Variants in RANBP2 observed in about 807,000 individuals in gnomAD.
RANBP2 encodes the protein RAN binding protein 2, also known as E3 SUMO-protein ligase RanBP2.
A neutral mutation model predicts 303.6 loss-of-function variants in RANBP2; 57 were observed. The observed-to-expected ratio is 0.19, with a 90% CI of 0.15 to 0.23. RANBP2 has a LOEUF of 0.23. Among genes scored for constraint, RANBP2 ranks in the 10% least tolerant of loss-of-function variants. RANBP2 has a pLI of 1.00. For synonymous variants in RANBP2, 1,167 were observed against 1,301.5 expected (o/e 0.90, Z 2.23); for missense variants, 3,138 against 3,780.8 (o/e 0.83, Z 4.46).
chr2:108,989,224 A>C, the RANBP2 span: 1 of 152,640 alleles, frequency 6.6e-6, no homozygotes, highest in South Asian at 2.1e-4. Context: ...CAAGTTTGGA[A>C]ACTCAGTCCT....
the RANBP2 span, among the ~76,000 whole-genome samples, chr2:109,453,029 G>A: frequency 6.6e-6 from 1 of 152,162 alleles, no homozygotes; most frequent in African/African-American, 2.4e-5. Context: ...CGGGAGGCTG[G>A]TGCTCTGCTG....
chr2:109,347,813 G>T, the RANBP2 span: 4 of 1,613,948 alleles, frequency 2.5e-6, no homozygotes, highest in Non-Finnish European at 3.4e-6. Flanking sequence ...GAGCTGCACG[G>T]CACACAGGGC....
At chr2:108,856,823 C>G in the RANBP2 span, 4 of 1,613,032 alleles carry the variant, frequency 2.5e-6, no homozygotes, top group African/African-American at 5.3e-5. Context: ...ATTTGATTCT[C>G]TTTGTTTGGA....
At chr2:109,219,185 A>G in the RANBP2 span, among the ~76,000 whole-genome samples, 4 of 152,218 alleles carry the variant, frequency 2.6e-5, no homozygotes, top group Admixed American at 2.6e-4. Flanking sequence ...CGCCTGGAGC[A>G]TGGGAGGATC....
the RANBP2 span, among the ~76,000 whole-genome samples, chr2:109,550,808 CCCTGTATTATAAGGCT>C: frequency 2.6e-5 from 4 of 152,258 alleles, no homozygotes; most frequent in South Asian, 8.3e-4. Context: ...CTTCTTCGTA[CCCTGTATTATAAGGCT>C]CCTGTTCTCC....
the RANBP2 span, among the ~76,000 whole-genome samples, chr2:109,528,732 C>T: frequency 1.3e-3 from 198 of 152,302 alleles, no homozygotes; most frequent in Non-Finnish European, 2.4e-3. Flanking sequence ...GCGTCCTACT[C>T]CCTCCCCAGA....
the RANBP2 span, among the ~76,000 whole-genome samples, chr2:109,391,188 G>A: frequency 6.6e-6 from 1 of 152,244 alleles, no homozygotes; most frequent in Non-Finnish European, 1.5e-5. Flanking sequence ...TGCAAAATTA[G>A]GCAGCCATTT....
rs532586413 is a variant in RANBP2, at chr2:108,764,771, T to G, written c.4232T>G (p.Val1411Gly). Reference protein sequence around the residue: ...PENVQDRFALVTPKKEGHWDC... With the variant: ...PENVQDRFALGTPKKEGHWDC... ...AATGTTCAAGATCGATTTGCATTGG[T>G]GACTCCAAAGAAAGAAGGTCACTGG... is the stretch of plus-strand genomic sequence containing the variant. Residue 1411 changes from valine to glycine, a missense_variant, in exon 20 of 29, where the codon GTG becomes GGG. Val to Gly is a moderately radical substitution (Grantham distance 109). This residue lies in a region of RANBP2 where 388 missense variants were observed against 328.5 expected (regional missense o/e 1.18). Transcript: ENST00000283195. The G allele has an allele frequency of 3.7e-6, 6 of 1,614,048 alleles. No individual in the cohort carries two copies. The East Asian group carries it at 1.1e-4, about 30-fold the overall frequency.
At chr2:109,297,901 C>CA in the RANBP2 span, among the ~76,000 whole-genome samples, 411 of 152,186 alleles carry the variant, frequency 2.7e-3, no homozygotes, top group Admixed American at 7.3e-3. Context: ...TGCCCACAAC[C>CA]ATGTCAATGC....
chr2:109,463,589 T>C, the RANBP2 span, among the ~76,000 whole-genome samples: 2 of 152,202 alleles, frequency 1.3e-5, no homozygotes, highest in South Asian at 2.1e-4. Flanking sequence ...CAATTTCTGA[T>C]TATTGTGCAA....
chr2:109,219,740 T>C, the RANBP2 span, among the ~76,000 whole-genome samples: 1 of 152,146 alleles, frequency 6.6e-6, no homozygotes, highest in Non-Finnish European at 1.5e-5. Context: ...ACCAAAGAGG[T>C]GAAAGATTGG....
the RANBP2 span, chr2:109,449,039 T>A: frequency 9.1e-7 from 1 of 1,101,670 alleles, no homozygotes. Flanking sequence ...GCCAGGTCTG[T>A]CTGGAGAAAC....
At chr2:108,815,312 A>G in the RANBP2 span, among the ~76,000 whole-genome samples, 6 of 152,012 alleles carry the variant, frequency 3.9e-5, no homozygotes, top group South Asian at 4.1e-4. Context: ...CTTTTTTTCC[A>G]TCTTATCAAA....
At chr2:108,720,370 T>G (rs1299850731) in intron 1 of RANBP2, among the ~76,000 whole-genome samples, 1 of 151,212 alleles carries the variant, frequency 6.6e-6, no homozygotes, top group Admixed American at 6.6e-5. Flanking sequence ...AAAAAAAAAA[T>G]TCTAAAGTTC....
At chr2:108,910,696 G>A in the RANBP2 span, 13 of 1,503,788 alleles carry the variant, frequency 8.6e-6, no homozygotes, top group Admixed American at 3.4e-5. Flanking sequence ...CAGAAGCAGC[G>A]AGGAGGCTGC....
chr2:108,902,245 A>C, the RANBP2 span, among the ~76,000 whole-genome samples: 1 of 151,782 alleles, frequency 6.6e-6, no homozygotes, highest in Admixed American at 6.6e-5. Context: ...CCATGGTGGC[A>C]TGTGCCTATA....
At chr2:109,501,169 C>T in the RANBP2 span, among the ~76,000 whole-genome samples, 7 of 151,924 alleles carry the variant, frequency 4.6e-5, no homozygotes, top group South Asian at 6.2e-4. Context: ...CCTGGGAGGC[C>T]GCAGTCTAGG....
chr2:109,317,411 C>T, the RANBP2 span, among the ~76,000 whole-genome samples: 6 of 152,148 alleles, frequency 3.9e-5, no homozygotes, highest in Non-Finnish European at 8.8e-5. Flanking sequence ...TCCCTGTTAG[C>T]GCTCAGAAGG....
the RANBP2 span, among the ~76,000 whole-genome samples, chr2:109,766,849 A>G: frequency 6.7e-6 from 1 of 150,318 alleles, no homozygotes; most frequent in Non-Finnish European, 1.5e-5. Context: ...GAGGCCCCGT[A>G]AAAGACGATT....
Sources: allele counts gnomAD v4.1 joint callset (sites outside exome capture counted in the v4.1 genomes callset), GRCh38; gene constraint gnomAD v4.1.1; regional missense constraint gnomAD v4.1.1; transcripts MANE v1.5; gene names NCBI Gene and HGNC (gene_info 2026-07-23, HGNC 2026-07-21).